The following CMSS1 variants were observed in gnomAD, a reference collection of about 807,000 sequenced individuals.
The protein encoded by CMSS1 is cms1 ribosomal small subunit homolog, also known as protein CMSS1.
In CMSS1, 33 loss-of-function variants were observed where a neutral mutation model predicts 43.5. That is an observed-to-expected ratio of 0.76 (90% CI 0.57 to 1.01). CMSS1 has a LOEUF of 1.01. CMSS1 is among the 50% of genes least tolerant of loss of function. CMSS1 has a pLI of 0.00. For missense variants in CMSS1, 313 were observed against 326.4 expected (o/e 0.96, Z 0.32); for synonymous variants, 115 against 117.2 (o/e 0.98, Z 0.12).
At chr3:99,840,904 G>A (rs1162563124) in intron 1 of CMSS1, among the ~76,000 whole-genome samples, 2 of 152,186 alleles carry the variant, frequency 1.3e-5, no homozygotes, top group Admixed American at 1.3e-4. Context: ...TTAATCTACT[G>A]TGGTCTTCCT....
At chr3:99,839,075 G>A (rs1330106152) in intron 1 of CMSS1, among the ~76,000 whole-genome samples, 7 of 151,942 alleles carry the variant, frequency 4.6e-5, no homozygotes, top group African/African-American at 1.7e-4. Context: ...CACCTCTTTG[G>A]AGCACCTTTC....
chr3:99,932,628 A>C (rs1166726761), intron 1 of CMSS1, among the ~76,000 whole-genome samples: 2 of 152,164 alleles, frequency 1.3e-5, no homozygotes, highest in Non-Finnish European at 2.9e-5. Context: ...AATGGCTCAC[A>C]CCTGTAATGC....
intron 1 of CMSS1, among the ~76,000 whole-genome samples, chr3:100,101,164 TA>T (rs373933333): frequency 1.6e-4 from 24 of 152,280 alleles, no homozygotes; most frequent in East Asian, 9.6e-4. Flanking sequence ...TGAGTGGTAG[TA>T]ACCAGTTACT....
At chr3:99,945,948 A>T (rs1223284324) in intron 1 of CMSS1, among the ~76,000 whole-genome samples, 3 of 152,232 alleles carry the variant, frequency 2.0e-5, no homozygotes, top group Non-Finnish European at 2.9e-5. Context: ...CAACTCATTC[A>T]TAGCTGTTTT....
intron 1 of CMSS1, among the ~76,000 whole-genome samples, chr3:99,946,531 G>A (rs1418552140): frequency 1.3e-5 from 2 of 152,176 alleles, no homozygotes; most frequent in African/African-American, 2.4e-5. Context: ...TGATGTAGCT[G>A]CAGCTAAAGA....
chr3:100,017,758 C>T (rs1251291024), intron 1 of CMSS1, among the ~76,000 whole-genome samples: 1 of 151,898 alleles, frequency 6.6e-6, no homozygotes, highest in Non-Finnish European at 1.5e-5. Context: ...GACACTGTCT[C>T]TAAAAATAAT....
At chr3:100,157,687 T>C (rs1042507192) in intron 2 of CMSS1, among the ~76,000 whole-genome samples, 7 of 152,182 alleles carry the variant, frequency 4.6e-5, no homozygotes, top group African/African-American at 1.7e-4. Context: ...CCTCTGCCCT[T>C]TCTCCCCTGG....
At chr3:99,846,432 G>A (rs1265747206) in intron 1 of CMSS1, among the ~76,000 whole-genome samples, 1 of 152,150 alleles carries the variant, frequency 6.6e-6, no homozygotes, top group Non-Finnish European at 1.5e-5. Context: ...CATTATCATT[G>A]TCTGTTTTGA....
intron 1 of CMSS1, among the ~76,000 whole-genome samples, chr3:99,869,115 G>A (rs1431185138): frequency 6.6e-6 from 1 of 152,160 alleles, no homozygotes; most frequent in Non-Finnish European, 1.5e-5. Flanking sequence ...TAGAATGGAA[G>A]AAGGACAAGT....
intron 1 of CMSS1, among the ~76,000 whole-genome samples, chr3:100,092,725 CAT>C (rs2107438339): frequency 6.7e-6 from 1 of 150,074 alleles, no homozygotes; most frequent in African/African-American, 2.5e-5. Flanking sequence ...AAAAAATATT[CAT>C]ACTTACTCTG....
chr3:99,983,389 AATAT>A (rs397990626), intron 1 of CMSS1, among the ~76,000 whole-genome samples: 2,304 of 40,616 alleles, frequency 0.057, 73 homozygotes, highest in East Asian at 0.23. Context: ...TAAATAAATA[AATAT>A]ATATATATAT....
intron 1 of CMSS1, among the ~76,000 whole-genome samples, chr3:99,939,269 G>C (rs1378451234): frequency 2.6e-5 from 4 of 152,184 alleles, no homozygotes; most frequent in Non-Finnish European, 5.9e-5. Context: ...GTCCAAAAGT[G>C]CTTCCTTGTT....
chr3:100,014,808 T>A (rs1003900289), intron 1 of CMSS1, among the ~76,000 whole-genome samples: 16 of 113,752 alleles, frequency 1.4e-4, no homozygotes, highest in African/African-American at 5.7e-4. Context: ...ATTCTATTGA[T>A]TTTTTTTTTT....
rs549043244 is a variant in CMSS1 at position 100,164,396 on chromosome 3, G to A, written c.356-1939G>A. On this transcript the variant is annotated intron_variant, in intron 4 of 9. Transcript: ENST00000421999. ...TAAACCTTGCTCCTCTCTGGAGTTA[G>A]AGAGAGTCAAAGCTCAGAAGAAACT... Among the ~76,000 whole-genome samples the A allele has an allele frequency of 7.9e-5, 12 of 152,294 alleles. No individual in the cohort carries two copies. In the South Asian group the frequency reaches 2.5e-3, roughly 32 times the overall value.
At chr3:99,850,572 G>C in intron 1 of CMSS1, 1 of 1,613,718 alleles carries the variant, frequency 6.2e-7, no homozygotes, top group Non-Finnish European at 8.5e-7. Context: ...CTTCAGCCAT[G>C]ATACCAGCGT....
At chr3:100,130,770 A>C (rs1169743881) in intron 1 of CMSS1, among the ~76,000 whole-genome samples, 1 of 152,238 alleles carries the variant, frequency 6.6e-6, no homozygotes. Flanking sequence ...CACAAGCTTA[A>C]AGTATTTACC....
At chr3:100,112,994 T>C (rs2066515386) in intron 1 of CMSS1, among the ~76,000 whole-genome samples, 1 of 152,228 alleles carries the variant, frequency 6.6e-6, no homozygotes, top group African/African-American at 2.4e-5. Flanking sequence ...GTAATTGCAA[T>C]GCATTCTCTC....
chr3:99,876,606 G>C (rs1016294124), intron 1 of CMSS1, among the ~76,000 whole-genome samples: 1 of 152,174 alleles, frequency 6.6e-6, no homozygotes, highest in Admixed American at 6.5e-5. Context: ...GAAAGGAGAA[G>C]TCTGGGGTTT....
At chr3:100,160,314 AT>A in intron 2 of CMSS1, 115 bp from the exon 3 acceptor site, 1 of 641,078 alleles carries the variant, frequency 1.6e-6, no homozygotes, top group Non-Finnish European at 2.9e-6. Context: ...TCTGTAGAAT[AT>A]TACCAAGATA....
Sources: allele counts gnomAD v4.1 joint callset (sites outside exome capture counted in the v4.1 genomes callset), GRCh38; gene constraint gnomAD v4.1.1; transcripts MANE v1.5; gene names NCBI Gene and HGNC (gene_info 2026-07-23, HGNC 2026-07-21).